The following LGR6 variants were observed in gnomAD, a reference collection of about 807,000 sequenced individuals.
LGR6 encodes the protein leucine-rich repeat-containing G protein-coupled receptor 6.
Under a neutral mutation model 69.4 loss-of-function variants are expected in LGR6, and 45 were observed. The observed-to-expected ratio is 0.65, with a 90% CI of 0.51 to 0.83. The LOEUF is 0.83. LGR6 is among the 40% of genes least tolerant of loss of function. LGR6 has a pLI of 0.00. For synonymous variants in LGR6, 538 were observed against 555.0 expected (o/e 0.97, Z 0.43); for missense variants, 1,108 against 1,246.7 (o/e 0.89, Z 1.68).
At chr1:202,223,268 G>A (rs1660292656) in intron 1 of LGR6, among the ~76,000 whole-genome samples, 1 of 152,248 alleles carries the variant, frequency 6.6e-6, no homozygotes, top group African/African-American at 2.4e-5. Context: ...GCAGCGCTGG[G>A]TGCAGCATGC....
chr1:202,289,425 G>GCTT (rs1310353758), intron 6 of LGR6, among the ~76,000 whole-genome samples: 1 of 152,128 alleles, frequency 6.6e-6, no homozygotes, highest in Non-Finnish European at 1.5e-5. Context: ...GGTTCCAGGT[G>GCTT]CTTCATTAGG....
At chr1:202,278,654 C>T (rs1463134092) in intron 5 of LGR6, among the ~76,000 whole-genome samples, 1 of 151,948 alleles carries the variant, frequency 6.6e-6, no homozygotes, top group Non-Finnish European at 1.5e-5. Context: ...CCAGGGACTA[C>T]AGGATGAGCT....
chr1:202,300,241 G>A (rs958683958), intron 7 of LGR6, among the ~76,000 whole-genome samples: 1 of 152,236 alleles, frequency 6.6e-6, no homozygotes, highest in Non-Finnish European at 1.5e-5. Flanking sequence ...CCTTCCTGGG[G>A]TCTGAACTCA....
At chr1:202,247,777 A>G (rs1477266451) in intron 4 of LGR6, among the ~76,000 whole-genome samples, 1 of 152,116 alleles carries the variant, frequency 6.6e-6, no homozygotes, top group East Asian at 1.9e-4. Flanking sequence ...TGACGATCTC[A>G]CTCTGATCCC....
intron 16 of LGR6, among the ~76,000 whole-genome samples, chr1:202,312,810 G>T (rs1003556122): frequency 6.6e-5 from 10 of 152,144 alleles, no homozygotes; most frequent in African/African-American, 2.4e-4. Flanking sequence ...TGTCTTTATA[G>T]ATTATAAAAT....
At chr1:202,295,698 C>T (rs1667102557) in intron 6 of LGR6, among the ~76,000 whole-genome samples, 1 of 152,220 alleles carries the variant, frequency 6.6e-6, no homozygotes, top group Non-Finnish European at 1.5e-5. Flanking sequence ...CTGACCACAT[C>T]CTTCACACAG....
chr1:202,206,483 A>G (rs1443403628), intron 1 of LGR6, among the ~76,000 whole-genome samples: 1 of 152,218 alleles, frequency 6.6e-6, no homozygotes. Context: ...ACAGTCACAC[A>G]GGGCCCTGTG....
rs567636323 is a variant in LGR6 at position 202,300,797 on chromosome 1, C to T, written c.786-52C>T. Reference sequence around the variant, plus strand: ...AGCCCTGTGGAATTCCATGCCTCTCCCTCTCTATACCTTTCTCCAAATCCT... The same window carrying T: ...AGCCCTGTGGAATTCCATGCCTCTCTCTCTCTATACCTTTCTCCAAATCCT... On this transcript the variant is annotated intron_variant, in intron 7 of 17. Transcript: ENST00000367278. 282 of 1,347,256 alleles carry T rather than the reference C, an allele frequency of 2.1e-4. 3 individuals are homozygous for T. In the South Asian group the frequency reaches 3.6e-3, roughly 17 times the overall value. The allele number at this position is 1,347,256 out of a possible 1,614,324, so 83.5% of individuals were successfully genotyped here. A position where few individuals can be genotyped will look rare whatever the true frequency, so the allele number is the denominator to read the frequency against.
chr1:202,292,895 A>C (rs1328153413), intron 6 of LGR6, among the ~76,000 whole-genome samples: 1 of 152,236 alleles, frequency 6.6e-6, no homozygotes, highest in Non-Finnish European at 1.5e-5. Context: ...TGTATTGGTC[A>C]GTGCAGCTAT....
intron 4 of LGR6, among the ~76,000 whole-genome samples, chr1:202,244,505 T>G (rs2148033904): frequency 6.6e-6 from 1 of 152,268 alleles, no homozygotes; most frequent in African/African-American, 2.4e-5. Context: ...TCTTTGCCTC[T>G]TCCAGCTTCC....
intron 4 of LGR6, among the ~76,000 whole-genome samples, chr1:202,252,410 C>T (rs562525917): frequency 3.3e-5 from 5 of 152,190 alleles, no homozygotes; most frequent in Admixed American, 1.3e-4. Flanking sequence ...AATACCAGAG[C>T]CAGGCATCCT....
At chr1:202,216,793 C>T (rs1659815089) in intron 1 of LGR6, among the ~76,000 whole-genome samples, 1 of 152,172 alleles carries the variant, frequency 6.6e-6, no homozygotes, top group Non-Finnish European at 1.5e-5. Flanking sequence ...GGTGGCATGG[C>T]TTGGCAAGGA....
At chr1:202,243,525 C>G (rs756968840) in intron 4 of LGR6, among the ~76,000 whole-genome samples, 4 of 152,202 alleles carry the variant, frequency 2.6e-5, no homozygotes, top group Non-Finnish European at 5.9e-5. Context: ...TCTTTATCTT[C>G]CCTTGTGAGG....
chr1:202,217,564 C>T (rs746365658), intron 1 of LGR6, among the ~76,000 whole-genome samples: 3 of 152,196 alleles, frequency 2.0e-5, no homozygotes, highest in African/African-American at 4.8e-5. Flanking sequence ...GGGTCACCTT[C>T]GGGCGACACT....
chr1:202,276,224 G>A, intron 4 of LGR6, 82 bp from the exon 5 acceptor site: 1 of 1,161,996 alleles, frequency 8.6e-7, no homozygotes, highest in African/African-American at 1.5e-5. Flanking sequence ...CCCTGTTGAG[G>A]GCCTGGCTGG....
intron 4 of LGR6, among the ~76,000 whole-genome samples, chr1:202,240,051 AAG>A (rs1338983396): frequency 6.6e-6 from 1 of 152,132 alleles, no homozygotes; most frequent in South Asian, 2.1e-4. Flanking sequence ...TACCGTCAGC[AAG>A]AGTCTGGCAC....
At chr1:202,200,114 G>A (rs1464860922) in intron 1 of LGR6, among the ~76,000 whole-genome samples, 1 of 152,154 alleles carries the variant, frequency 6.6e-6, no homozygotes, top group Non-Finnish European at 1.5e-5. Context: ...AGGGAAACAG[G>A]CCTTTCAAGC....
intron 1 of LGR6, chr1:202,203,895 A>G: frequency 2.5e-6 from 4 of 1,583,040 alleles, no homozygotes; most frequent in Non-Finnish European, 3.5e-6. Context: ...TGCATGAAGC[A>G]AGATCCTCCT....
intron 16 of LGR6, among the ~76,000 whole-genome samples, chr1:202,311,100 G>A (rs555484163): frequency 1.3e-5 from 2 of 152,120 alleles, no homozygotes; most frequent in East Asian, 1.9e-4. Context: ...CTCTCCCCCT[G>A]CCCGTATTAC....
Sources: gnomAD v4.1 joint callset for allele counts (sites outside exome capture counted in the v4.1 genomes callset) on GRCh38, gnomAD v4.1.1 for gene constraint, MANE v1.5 for transcripts, NCBI Gene and HGNC (gene_info 2026-07-23, HGNC 2026-07-21) for gene names.